Variants in PHF12 observed in about 807,000 individuals in gnomAD.
PHF12 encodes PHD finger protein 12.
Under a neutral mutation model 99.8 loss-of-function variants are expected in PHF12, and 6 were observed. That is an observed-to-expected ratio of 0.06 (90% confidence interval 0.03 to 0.12). The LOEUF (loss-of-function observed/expected upper bound fraction) is 0.12, where lower values mean the gene tolerates loss of function less well. Among genes scored for constraint, PHF12 ranks in the 10% least tolerant of loss-of-function variants. The pLI is 1.00. For synonymous variants in PHF12, 480 were observed against 514.9 expected (o/e 0.93, Z 0.92); for missense variants, 954 against 1,300.1 (o/e 0.73, Z 4.09).
chr17:28,921,861 C>T (rs2152665211), intron 4 of PHF12, 53 bp from the exon 5 acceptor site: 2 of 1,606,096 alleles, frequency 1.2e-6, no homozygotes, highest in East Asian at 4.5e-5. Flanking sequence ...AGTTCCTAGC[C>T]TGCAATATGG....
intron 2 of PHF12, among the ~76,000 whole-genome samples, chr17:28,938,358 C>T (rs925600548): frequency 3.9e-5 from 6 of 152,104 alleles, no homozygotes; most frequent in African/African-American, 1.4e-4. Flanking sequence ...GCCTCCTGAG[C>T]GGCTGGGATT....
intron 7 of PHF12, among the ~76,000 whole-genome samples, chr17:28,915,558 C>A (rs2040046809): frequency 6.6e-6 from 1 of 152,002 alleles, no homozygotes; most frequent in Non-Finnish European, 1.5e-5. Context: ...GTGCCATGGG[C>A]TTTCTGAGAT....
At chr17:28,909,051 C>T in intron 11 of PHF12, 170 bp from the exon 12 acceptor site, 1 of 631,534 alleles carries the variant, frequency 1.6e-6, no homozygotes, top group East Asian at 2.8e-5. Flanking sequence ...AAGGCTTTCT[C>T]TCCCCACCCA....
intron 2 of PHF12, among the ~76,000 whole-genome samples, chr17:28,937,349 G>C (rs2040528760): frequency 6.6e-6 from 1 of 152,124 alleles, no homozygotes; most frequent in African/African-American, 2.4e-5. Flanking sequence ...AAAATTCATA[G>C]GGTCCCTCAA....
chr17:28,943,044 T>A (rs1467326804), intron 2 of PHF12, among the ~76,000 whole-genome samples: 1 of 151,908 alleles, frequency 6.6e-6, no homozygotes, highest in Admixed American at 6.6e-5. Flanking sequence ...AAATGACCAA[T>A]AACCACATGA....
At chr17:28,948,666 C>A (rs1456856321) in intron 2 of PHF12, among the ~76,000 whole-genome samples, 1 of 152,126 alleles carries the variant, frequency 6.6e-6, no homozygotes, top group Non-Finnish European at 1.5e-5. Context: ...GCAATTAGTA[C>A]AAATATACAG....
intron 2 of PHF12, among the ~76,000 whole-genome samples, chr17:28,945,632 A>G (rs1256757472): frequency 6.6e-6 from 1 of 152,180 alleles, no homozygotes; most frequent in East Asian, 1.9e-4. Flanking sequence ...TATCATCCTG[A>G]TTACTGATGC....
rs776735322 is a variant in PHF12 at position 28,906,405 on chromosome 17, C to T, written c.2793G>A (p.Ser931=). ...RRPCNCKASS[S]SLIGGSGAGW... is the part of the protein sequence containing the mutation. ...CGGCCCCACTGCCCCCAATCAAGCT[C>T]GAGCTGCTGGCTTTGCAATTGCAGG... Residue 931 remains serine, a synonymous_variant, in exon 15 of 15, where the codon TCG becomes TCA. Transcript: ENST00000332830. This position sits in a 1 kb window ranked among gnomAD's most constrained non-coding sequence, Gnocchi z 4.2. The T allele has an allele frequency of 1.8e-5, 29 of 1,614,114 alleles. No homozygotes were observed. The highest frequency in any genetic ancestry group is 3.3e-5 in the Admixed American group (2 of 60,016).
In PHF12 at chr17:28,950,162, C is replaced by T; in HGVS notation, c.151G>A (p.Gly51Ser). 3.1e-6 allele frequency: 5 copies of T among 1,613,884 alleles called. No individual in the cohort carries two copies. Among genetic ancestry groups the T allele is most frequent in the Non-Finnish European group, 4.2e-6 (5 of 1,179,996 alleles). ...CAGCTGTCGTGGTTGGTGGCCCTGC[C>T]GCTTCTCCGGGGCTCCTTCTCAGGC... Reference protein sequence around the residue: ...RKPEKEPRRSGRATNHDSCDS... With the variant: ...RKPEKEPRRSSRATNHDSCDS... The change falls in exon 2 of 15, where the codon GGC becomes AGC. Residue 51 changes from glycine (G) to serine (S), a missense_variant. Around this residue, in one of 8 missense-constraint regions of PHF12, gnomAD observed 66 missense variants for 69.4 expected, o/e 0.95. Transcript: ENST00000332830. The surrounding 1 kb of genome is among the most constrained non-coding windows in gnomAD (Gnocchi z 5.7).
At chr17:28,933,416 A>C (rs962234301) in intron 2 of PHF12, among the ~76,000 whole-genome samples, 7 of 152,256 alleles carry the variant, frequency 4.6e-5, no homozygotes, top group Non-Finnish European at 1.0e-4. Context: ...AAACTGACTT[A>C]TCTAAAGCCA....
At position 28,930,966 on chromosome 17, in the gene PHF12, T is replaced by C. The variant is rs563071600; in HGVS notation, c.249-3903A>G. ...ATGAGCCTATAGCCCCAGCTACTTG[T>C]GGGGCTGAGGTGAGAGGATCACTTG... On this transcript the variant is annotated intron_variant, in intron 2 of 14. Coordinates refer to ENST00000332830, the MANE Select transcript of PHF12 (RefSeq NM_001033561.2). 5.3e-5 allele frequency among the ~76,000 whole-genome samples: 8 copies of C among 152,242 alleles called. No individual in the cohort carries two copies. In the South Asian group the frequency reaches 1.7e-3, roughly 32 times the overall value.
rs757985304 is a variant in PHF12 at position 28,913,181 on chromosome 17, C to G, written c.1390G>C (p.Ala464Pro). 18 of 1,614,136 alleles carry G rather than the reference C, an allele frequency of 1.1e-5. No homozygotes were observed. In the South Asian group the frequency reaches 1.9e-4, roughly 17 times the overall value. ...GTCACAATAACAGGCTTAATATCAG[C>G]CTTCTCTGTCTGTTCAGAGTCCCAA... ...SHWDSEQTEK[A>P]DIKPVIVTDS... Residue 464 changes from alanine to proline, a missense_variant, in exon 9 of 15, where the codon GCT becomes CCT. Physicochemically the swap from Ala to Pro is conservative, Grantham distance 27 (BLOSUM62 -1). Transcript: ENST00000332830.
chr17:28,908,626 CTCTAT>C (rs2152655424), intron 12 of PHF12, 152 bp downstream of exon 12: 2 of 700,858 alleles, frequency 2.9e-6, no homozygotes, highest in South Asian at 1.8e-5. Flanking sequence ...GGCTGATTGT[CTCTAT>C]TCTTAGTTTC....
At chr17:28,937,893 T>C (rs2040537779) in intron 2 of PHF12, among the ~76,000 whole-genome samples, 1 of 152,218 alleles carries the variant, frequency 6.6e-6, no homozygotes, top group Admixed American at 6.5e-5. Context: ...TGATTGATGC[T>C]AGAGCCCACC....
chr17:28,915,778 A>C (rs1267375139), intron 7 of PHF12, among the ~76,000 whole-genome samples: 5 of 152,214 alleles, frequency 3.3e-5, no homozygotes, highest in Non-Finnish European at 7.3e-5. Context: ...GTTCTTCACC[A>C]ATGTTCTATG....
intron 2 of PHF12, among the ~76,000 whole-genome samples, chr17:28,946,408 C>T (rs1036784769): frequency 6.6e-6 from 1 of 152,176 alleles, no homozygotes; most frequent in Non-Finnish European, 1.5e-5. Context: ...GTGCCTCATA[C>T]AAAGCATTGT....
intron 2 of PHF12, among the ~76,000 whole-genome samples, chr17:28,937,229 T>G (rs2040526750): frequency 6.6e-6 from 1 of 152,186 alleles, no homozygotes; most frequent in African/African-American, 2.4e-5. Context: ...TCAGCAGAAA[T>G]AGCTAGCTTC....
chr17:28,936,910 C>T (rs144707597), intron 2 of PHF12, among the ~76,000 whole-genome samples: 184 of 152,320 alleles, frequency 1.2e-3, no homozygotes, highest in Non-Finnish European at 1.9e-3. Flanking sequence ...TACTCTCCCT[C>T]AGACTGGCCC....
Position 28,950,796 on chromosome 17 carries a change from G to A in PHF12, c.66+99C>T. ...GGTGAGGAAGAATCCCCCTCCCTCG[G>A]CCATCTAGGCGCTTCGAGTTTAGGA... On this transcript the variant is annotated intron_variant, in intron 1 of 14. Transcript: ENST00000332830. The surrounding 1 kb of genome is among the most constrained non-coding windows in gnomAD (Gnocchi z 5.7). 8 of 1,513,952 alleles carry A rather than the reference G, an allele frequency of 5.3e-6. No individual in the cohort carries two copies. The highest frequency in any genetic ancestry group is 4.2e-5 in the African/African-American group (3 of 71,002). The allele number at this position is 1,513,952 out of a possible 1,614,324, so 93.8% of individuals were successfully genotyped here.
Sources: allele counts gnomAD v4.1 joint callset (sites outside exome capture counted in the v4.1 genomes callset), GRCh38; gene constraint gnomAD v4.1.1; regional missense constraint gnomAD v4.1.1; non-coding constraint Gnocchi (gnomAD v3.1); transcripts MANE v1.5; gene names NCBI Gene and HGNC (gene_info 2026-07-23, HGNC 2026-07-21).